The following EIF3E variants were observed in gnomAD, a reference collection of about 807,000 sequenced individuals.
EIF3E encodes eIF-3 p48.
EIF3E carries 25 observed loss-of-function variants against 59.3 expected under a neutral mutation model. That is an observed-to-expected ratio of 0.42 (90% CI 0.31 to 0.59). The LOEUF is 0.59. EIF3E is among the 20% of genes least tolerant of loss of function. EIF3E has a pLI of 0.15. For missense variants in EIF3E, 317 were observed against 534.3 expected (o/e 0.59, Z 4.01); for synonymous variants, 176 against 170.2 (o/e 1.03, Z -0.26).
chr8:108,212,804 C>T (rs1815236534), intron 10 of EIF3E, among the ~76,000 whole-genome samples: 1 of 107,774 alleles, frequency 9.3e-6, no homozygotes, highest in South Asian at 3.1e-4. Context: ...TGTGTCTCCC[C>T]CCAAAAAAAG....
chr8:108,224,504 C>T (rs1431287428), intron 7 of EIF3E, among the ~76,000 whole-genome samples: 1 of 151,338 alleles, frequency 6.6e-6, no homozygotes, highest in Non-Finnish European at 1.5e-5. Flanking sequence ...GGTATATTTC[C>T]ATTAGGAAAA....
At chr8:108,244,666 T>A (rs1815911419) in intron 1 of EIF3E, among the ~76,000 whole-genome samples, 1 of 152,078 alleles carries the variant, frequency 6.6e-6, no homozygotes, top group African/African-American at 2.4e-5. Flanking sequence ...ATTTTTGTAA[T>A]ACCCTTTTTG....
chr8:108,206,693 C>T (rs1388901647), intron 10 of EIF3E, among the ~76,000 whole-genome samples: 1 of 152,090 alleles, frequency 6.6e-6, no homozygotes, highest in African/African-American at 2.4e-5. Flanking sequence ...GTCCCAGATA[C>T]TCGAGAGGCT....
At position 108,202,986 on chromosome 8, in the gene EIF3E, T is replaced by G. The variant is rs1395576914; in HGVS notation, c.1296A>C (p.Ser432=). 4.6e-5 allele frequency: 74 copies of G among 1,611,430 alleles called. 1 individual carries two copies. The highest frequency in any genetic ancestry group is 5.9e-5 in the Non-Finnish European group (70 of 1,178,666). Residue 432 remains serine, a synonymous_variant, in exon 12 of 13, where the codon TCA becomes TCC. Coordinates refer to ENST00000220849, the MANE Select transcript of EIF3E (RefSeq NM_001568.3). ...ATAGAAGATGTGTGGTTCTTACCTC[T>G]GACCTGCTATTCTGATTAAGTTTCT... ...IEKKLNQNSR[S]EAPNWATQDS...
intron 5 of EIF3E, chr8:108,231,778 A>C (rs184524204): frequency 3.5e-4 from 53 of 152,250 alleles, no homozygotes; most frequent in Admixed American, 3.0e-3. Flanking sequence ...AGTATAAATC[A>C]AAGAAGTTTC....
chr8:108,238,260 ATC>A (rs1385251212), intron 3 of EIF3E, among the ~76,000 whole-genome samples: 1 of 152,204 alleles, frequency 6.6e-6, no homozygotes, highest in East Asian at 1.9e-4. Flanking sequence ...GTGTGTATAT[ATC>A]TCTGTGTGTT....
chr8:108,242,754 G>T (rs1026450233), intron 1 of EIF3E: 4 of 836,840 alleles, frequency 4.8e-6, no homozygotes, highest in Non-Finnish European at 5.8e-6. Context: ...TAGGCACTTC[G>T]CAAAAGAAGA....
chr8:108,210,512 G>A (rs1815186142), intron 10 of EIF3E, among the ~76,000 whole-genome samples: 1 of 151,980 alleles, frequency 6.6e-6, no homozygotes, highest in Admixed American at 6.6e-5. Context: ...TCATTATCAC[G>A]GATTACAAAT....
intron 7 of EIF3E, among the ~76,000 whole-genome samples, chr8:108,217,799 C>T (rs1179957028): frequency 6.6e-6 from 1 of 152,152 alleles, no homozygotes; most frequent in Admixed American, 6.5e-5. Context: ...CGATGACTTT[C>T]ATTCACCCAT....
chr8:108,205,031 ATAT>A (rs1748869568), intron 10 of EIF3E, among the ~76,000 whole-genome samples: 1 of 152,088 alleles, frequency 6.6e-6, no homozygotes, highest in African/African-American at 2.4e-5. Context: ...TGCATGTAAA[ATAT>A]TTAAGAGTAT....
chr8:108,228,582 C>CTTAGAGA (rs1815563019), intron 6 of EIF3E, among the ~76,000 whole-genome samples, 191 bp from the exon 7 acceptor site: 1 of 152,090 alleles, frequency 6.6e-6, no homozygotes, highest in Non-Finnish European at 1.5e-5. Context: ...CAAATTATTA[C>CTTAGAGA]CCTGTTCTTA....
Position 108,235,118 on chromosome 8 carries a change from AAAG to A in EIF3E, c.367-19_367-17del. 1 of 1,481,912 alleles carries A rather than the reference AAAG, an allele frequency of 6.7e-7. No individual in the cohort carries two copies. Among genetic ancestry groups the A allele is most frequent in the Non-Finnish European group, 9.1e-7 (1 of 1,095,196 alleles). 91.8% of individuals were successfully genotyped at this position (1,481,912 alleles called of 1,614,324 possible). A position where few individuals can be genotyped will look rare whatever the true frequency, so the allele number is the denominator to read the frequency against. Reference sequence around the variant, plus strand: ...CCTGCCTAAACTAAAAAGAAAAAAAAAAGATTAAGTTCTCTTTAATTTAGAGTT... The same window carrying A: ...CCTGCCTAAACTAAAAAGAAAAAAAAATTAAGTTCTCTTTAATTTAGAGTT... On this transcript the variant is annotated splice_polypyrimidine_tract_variant and intron_variant, in intron 4 of 12. Coordinates refer to ENST00000220849, the MANE Select transcript of EIF3E (RefSeq NM_001568.3).
rs1362629273 is a variant in EIF3E at position 108,248,708 on chromosome 8, C to T, written c.-6G>A. ...GTCAAGTCGTACTCCGCCATCTTGCCAAAGAAAAGGGAGTCTGTGCTCACT... is the reference window on the plus strand; with the variant it reads ...GTCAAGTCGTACTCCGCCATCTTGCTAAAGAAAAGGGAGTCTGTGCTCACT... On this transcript the variant is annotated 5_prime_UTR_variant, in exon 1 of 13. Transcript: ENST00000220849. 1.9e-6 allele frequency: 3 copies of T among 1,614,082 alleles called. No individual in the cohort carries two copies. The highest frequency in any genetic ancestry group is 2.2e-5 in the South Asian group (2 of 91,070).
rs1303908834 is a variant in EIF3E at position 108,242,140 on chromosome 8, TGTAGACATTCCCAC to T, written c.91-241_91-228del. 90 of 1,400,166 alleles carry T rather than the reference TGTAGACATTCCCAC, an allele frequency of 6.4e-5. No homozygotes were observed. In the African/African-American group the frequency reaches 1.1e-3, roughly 18 times the overall value. 86.7% of individuals were successfully genotyped at this position (1,400,166 alleles called of 1,614,324 possible). A position where few individuals can be genotyped will look rare whatever the true frequency, so the allele number is the denominator to read the frequency against. ...AAAATTTTAAAATGAAGAGAATTAC[TGTAGACATTCCCAC>T]CTACTTCTGATTTACATGACCTTAT... On this transcript the variant is annotated intron_variant, in intron 1 of 12. Coordinates refer to ENST00000220849, the MANE Select transcript of EIF3E (RefSeq NM_001568.3).
intron 1 of EIF3E, 34 bp from the exon 2 acceptor site, chr8:108,241,947 T>G (rs1815844465): frequency 7.1e-7 from 1 of 1,416,682 alleles, no homozygotes; most frequent in Non-Finnish European, 9.7e-7. Context: ...ATGAATATAT[T>G]TAAGTTCCCC....
At chr8:108,244,445 TATA>T (rs1388620146) in intron 1 of EIF3E, among the ~76,000 whole-genome samples, 1 of 152,180 alleles carries the variant, frequency 6.6e-6, no homozygotes. Context: ...TCAACACAAA[TATA>T]ATGCCATACT....
chr8:108,217,417 A>G lies in EIF3E; in HGVS notation c.766T>C (p.Tyr256His). 1 of 1,605,466 alleles carries G rather than the reference A, an allele frequency of 6.2e-7. No individual in the cohort carries two copies. The highest frequency in any genetic ancestry group is 8.5e-7 in the Non-Finnish European group (1 of 1,176,324). Residue 256 changes from tyrosine to histidine, a missense_variant, in exon 8 of 13, where the codon TAT (tyrosine) becomes CAT (histidine). This residue lies in a region of EIF3E where 242 missense variants were observed against 398.0 expected (regional missense o/e 0.61). Coordinates refer to ENST00000220849, the MANE Select transcript of EIF3E (RefSeq NM_001568.3). ...TTTGTTATGACTGCTGTAGTCAAAT[A>G]GCGAAGAATGTGTGGACACATTGTC... is the stretch of plus-strand genomic sequence containing the variant. ...IQTMCPHILR[Y>H]LTTAVITNKD...
rs553895529 is a variant in EIF3E at position 108,217,515 on chromosome 8, A to G, written c.723-55T>C. On this transcript the variant is annotated intron_variant, in intron 7 of 12. Transcript: ENST00000220849. ...ACTTACCCAGGGTGAGATAAAGAAA[A>G]CTCTCGAGCAGGTCATTAGATTGTA... The G allele has an allele frequency of 8.6e-5, 125 of 1,448,940 alleles. No individual in the cohort carries two copies. In the African/African-American group the frequency reaches 1.7e-3, roughly 19 times the overall value. The allele number at this position is 1,448,940 out of a possible 1,614,324, so 89.8% of individuals were successfully genotyped here.
intron 3 of EIF3E, among the ~76,000 whole-genome samples, chr8:108,237,222 T>C (rs939443048): frequency 6.6e-6 from 1 of 152,162 alleles, no homozygotes; most frequent in African/African-American, 2.4e-5. Flanking sequence ...AGGGGATATA[T>C]GTGTATAGTT....
Sources: allele counts gnomAD v4.1 joint callset (sites outside exome capture counted in the v4.1 genomes callset), GRCh38; gene constraint gnomAD v4.1.1; regional missense constraint gnomAD v4.1.1; transcripts MANE v1.5; gene names NCBI Gene and HGNC (gene_info 2026-07-23, HGNC 2026-07-21).